SCN2A: variants seen among roughly 807,000 people sequenced by gnomAD.
SCN2A encodes the protein sodium channel protein type 2 subunit alpha.
In SCN2A, 20 loss-of-function variants were observed where a neutral mutation model predicts 188.7. That is an observed-to-expected ratio of 0.11 (90% confidence interval 0.07 to 0.15). SCN2A has a LOEUF of 0.15. Among genes scored for constraint, SCN2A ranks in the 10% least tolerant of loss-of-function variants. SCN2A has a pLI of 1.00. For synonymous variants in SCN2A, 804 were observed against 833.1 expected (o/e 0.97, Z 0.60); for missense variants, 1,278 against 2,445.0 (o/e 0.52, Z 10.07).
chr2:165,304,817 A>G lies in SCN2A; in HGVS notation c.387-3031A>G, dbSNP rs538891709. Among the ~76,000 whole-genome samples, 456 of 152,330 alleles carry G rather than the reference A, an allele frequency of 3.0e-3. 3 individuals carry two copies. The highest frequency in any genetic ancestry group is 0.011 in the African/African-American group (438 of 41,570). ...TGAAGAGAAAAGAAAATGAAACTGGAGAAGTAGACAGGGATCAGACCTCCT... is the reference window on the plus strand; with the variant it reads ...TGAAGAGAAAAGAAAATGAAACTGGGGAAGTAGACAGGGATCAGACCTCCT... On this transcript the variant is annotated intron_variant, in intron 3 of 26. Transcript: ENST00000375437.
At chr2:165,307,713 AG>A in intron 3 of SCN2A, 134 bp from the exon 4 acceptor site, 1 of 680,902 alleles carries the variant, frequency 1.5e-6, no homozygotes, top group Admixed American at 2.3e-5. Context: ...GGCAAAAAAA[AG>A]GGTCAATAAT....
intron 17 of SCN2A, among the ~76,000 whole-genome samples, chr2:165,355,998 CAA>C (rs202024678): frequency 3.0e-4 from 35 of 116,530 alleles, no homozygotes; most frequent in Admixed American, 5.0e-4. Context: ...AACTCTGTCT[CAA>C]AAAAAAAAAA....
chr2:165,291,442 CTT>C (rs1219047829), intron 1 of SCN2A, among the ~76,000 whole-genome samples: 1 of 23,690 alleles, frequency 4.2e-5, no homozygotes, highest in African/African-American at 1.3e-4. Context: ...CTTTCTCTTT[CTT>C]TCTTTCTTTC....
intron 1 of SCN2A, among the ~76,000 whole-genome samples, chr2:165,249,011 A>G (rs1488800224): frequency 6.6e-6 from 1 of 152,126 alleles, no homozygotes; most frequent in African/African-American, 2.4e-5. Context: ...CAAACCTTAA[A>G]TGACAGTAAA....
intron 3 of SCN2A, among the ~76,000 whole-genome samples, chr2:165,301,169 T>C (rs1469250946): frequency 1.3e-5 from 2 of 152,120 alleles, no homozygotes; most frequent in Non-Finnish European, 2.9e-5. Flanking sequence ...CAAACCAATT[T>C]GGTGGGTAAG....
rs115008060 is a variant in SCN2A at position 165,319,419 on chromosome 2, C to T, written c.1671+3661C>T. ...CACATAAGATAGTGTTTAACATTTA[C>T]AGACATTTAATAGAAACTAACAGAT... On this transcript the variant is annotated intron_variant, in intron 11 of 26. Coordinates refer to ENST00000375437, the MANE Select transcript of SCN2A (RefSeq NM_001040142.2). 5.3e-3 allele frequency among the ~76,000 whole-genome samples: 814 copies of T among 152,214 alleles called. 8 individuals carry two copies. Among genetic ancestry groups the T allele is most frequent in the African/African-American group, 0.019 (780 of 41,534 alleles).
chr2:165,299,488 T>A (rs776848676), intron 3 of SCN2A, among the ~76,000 whole-genome samples: 1 of 152,220 alleles, frequency 6.6e-6, no homozygotes, highest in Non-Finnish European at 1.5e-5. Context: ...TTAAAAAGTC[T>A]CTAATTTCCT....
At chr2:165,353,508 C>T (rs549906789) in intron 16 of SCN2A, among the ~76,000 whole-genome samples, 1 of 152,026 alleles carries the variant, frequency 6.6e-6, no homozygotes, top group South Asian at 2.1e-4. Context: ...CAGATAAATA[C>T]CTGAGACTGG....
intron 1 of SCN2A, among the ~76,000 whole-genome samples, chr2:165,291,347 C>A (rs936835352): frequency 3.8e-5 from 1 of 26,602 alleles, no homozygotes; most frequent in African/African-American, 1.2e-4. Flanking sequence ...ACTTGTCTGT[C>A]GTTCGTTCCT....
rs1390172581 is a variant in SCN2A, at chr2:165,389,953, G to A, written c.*129G>A. On this transcript the variant is annotated 3_prime_UTR_variant, in exon 27 of 27. Transcript: ENST00000375437. The surrounding 1 kb of genome is among the most constrained non-coding windows in gnomAD (Gnocchi z 4.2). ...CTGTTTTTACAAATGTATACTTAAGGTCAGTGCCTATAACAAGACAGAGAC... is the reference window on the plus strand; with the variant it reads ...CTGTTTTTACAAATGTATACTTAAGATCAGTGCCTATAACAAGACAGAGAC... 2 of 1,448,734 alleles carry A rather than the reference G, an allele frequency of 1.4e-6. No individual in the cohort carries two copies. Among genetic ancestry groups the A allele is most frequent in the East Asian group, 2.5e-5 (1 of 40,480 alleles). 89.7% of individuals were successfully genotyped at this position (1,448,734 alleles called of 1,614,324 possible). A position where few individuals can be genotyped will look rare whatever the true frequency, so the allele number is the denominator to read the frequency against.
chr2:165,257,038 T>C (rs1213618423), intron 1 of SCN2A, among the ~76,000 whole-genome samples: 2 of 152,126 alleles, frequency 1.3e-5, no homozygotes, highest in Non-Finnish European at 2.9e-5. Flanking sequence ...TAAGAACCAA[T>C]CACAGCAGAG....
At chr2:165,263,252 C>T (rs1694685852) in intron 1 of SCN2A, among the ~76,000 whole-genome samples, 1 of 151,992 alleles carries the variant, frequency 6.6e-6, no homozygotes, top group South Asian at 2.1e-4. Flanking sequence ...TTTAATAAGT[C>T]TCATCTATTT....
chr2:165,339,949 A>T (rs1054305672), intron 14 of SCN2A, among the ~76,000 whole-genome samples: 1 of 152,260 alleles, frequency 6.6e-6, no homozygotes, highest in African/African-American at 2.4e-5. Flanking sequence ...ATAAACAAAG[A>T]TATCAATGGA....
chr2:165,371,878 G>C (rs1701049584), intron 20 of SCN2A: 1 of 152,114 alleles, frequency 6.6e-6, no homozygotes, highest in South Asian at 2.1e-4. Context: ...CACCAATTAG[G>C]AGATTGCTGC....
In SCN2A at chr2:165,331,383, A is replaced by C; in HGVS notation, c.2203A>C (p.Met735Leu). The C allele has an allele frequency of 9.3e-6, 15 of 1,613,786 alleles. No homozygotes were observed. Among genetic ancestry groups the C allele is most frequent in the Non-Finnish European group, 1.3e-5 (15 of 1,179,784 alleles). Reference protein sequence around the residue: ...CPPCWYKFANMCLIWDCCKPW... With the variant: ...CPPCWYKFANLCLIWDCCKPW... The stretch of plus-strand genomic sequence containing the variant: ...ACCATGCTGGTATAAATTTGCTAAT[A>C]TGTGTTTGATTTGGGACTGTTGTAA... Residue 735 changes from methionine to leucine, a missense_variant, in exon 14 of 27, where the codon ATG becomes CTG. By Grantham distance (15) the Met-to-Leu change is conservative. Transcript: ENST00000375437.
In SCN2A at chr2:165,389,802, A is replaced by AT. The variant is rs774085252; in HGVS notation, c.5997dup (p.Ile2000TyrfsTer5). 5.6e-6 allele frequency: 9 copies of AT among 1,611,578 alleles called. No individual in the cohort carries two copies. Among genetic ancestry groups the AT allele is most frequent in the Non-Finnish European group, 6.8e-6 (8 of 1,178,776 alleles). On this transcript the variant is annotated frameshift_variant, in exon 27 of 27. Coordinates refer to ENST00000375437, the MANE Select transcript of SCN2A (RefSeq NM_001040142.2). LOFTEE classifies it high-confidence loss of function. This position sits in a 1 kb window ranked among gnomAD's most constrained non-coding sequence, Gnocchi z 4.2. ...TCAGAAAAGGAAGACAAAGGGAAAG[A>AT]TATCAGGGAAAGTAAAAAGTAAAAA...
chr2:165,299,557 G>T (rs1175439301), intron 3 of SCN2A, among the ~76,000 whole-genome samples: 1 of 152,232 alleles, frequency 6.6e-6, no homozygotes, highest in Non-Finnish European at 1.5e-5. Flanking sequence ...ACAAAAGGCA[G>T]TGAGGCTAAT....
chr2:165,307,420 T>A (rs908941837), intron 3 of SCN2A, among the ~76,000 whole-genome samples: 1 of 152,104 alleles, frequency 6.6e-6, no homozygotes, highest in Admixed American at 6.6e-5. Context: ...TATAAGACAT[T>A]CCACCAGGGT....
intron 22 of SCN2A, among the ~76,000 whole-genome samples, chr2:165,375,443 G>T (rs113993109): frequency 2.6e-5 from 4 of 151,232 alleles, no homozygotes; most frequent in African/African-American, 9.7e-5. Context: ...ATATACACAC[G>T]TATAGATATA....
Sources: allele counts gnomAD v4.1 joint callset (sites outside exome capture counted in the v4.1 genomes callset), GRCh38; gene constraint gnomAD v4.1.1; non-coding constraint Gnocchi (gnomAD v3.1); transcripts MANE v1.5; gene names NCBI Gene and HGNC (gene_info 2026-07-23, HGNC 2026-07-21).